Variants in SMYD3 observed in about 807,000 individuals in gnomAD.
The protein encoded by SMYD3 is histone-lysine N-methyltransferase SMYD3.
SMYD3 carries 36 observed loss-of-function variants against 57.7 expected under a neutral mutation model. The ratio of observed to expected loss-of-function variants is 0.62; its 90% CI spans 0.48 to 0.82. The LOEUF (loss-of-function observed/expected upper bound fraction) is 0.82. Among genes scored for constraint, SMYD3 ranks in the 40% least tolerant of loss-of-function variants. The probability of loss-of-function intolerance (pLI) is 0.00; values close to 1 mark genes in which losing one functional copy is unlikely to be tolerated. For missense variants in SMYD3, 515 were observed against 538.8 expected, an observed-to-expected ratio of 0.96 and a Z score of 0.44; for synonymous variants, 211 against 195.0, an observed-to-expected ratio of 1.08 and a Z score of -0.68.
chr1:246,207,060 A>G (rs1439995693), intron 5 of SMYD3, among the ~76,000 whole-genome samples: 1 of 152,178 alleles, frequency 6.6e-6, no homozygotes, highest in African/African-American at 2.4e-5. Flanking sequence ...TGCCAAACGT[A>G]TAAGGCAGGT....
In SMYD3 at chr1:246,355,030, C is replaced by A; in HGVS notation, c.228+1G>T. Reference sequence around the variant, plus strand: ...ACTTATATATGGCTGAAAAGTCTTACCTGACACTTAGCACTACAGTATTTG... The same window carrying A: ...ACTTATATATGGCTGAAAAGTCTTAACTGACACTTAGCACTACAGTATTTG... On this transcript the variant is annotated splice_donor_variant, in intron 2 of 11. Transcript: ENST00000490107. LOFTEE classifies it high-confidence loss of function. This position sits in a 1 kb window ranked among gnomAD's most constrained non-coding sequence, Gnocchi z 5.0. The A allele has an allele frequency of 6.2e-7, 1 of 1,613,906 alleles. No homozygotes were observed. The highest frequency in any genetic ancestry group is 8.5e-7 in the Non-Finnish European group (1 of 1,179,884).
intron 1 of SMYD3, among the ~76,000 whole-genome samples, chr1:246,443,309 CT>C (rs1320605797): frequency 1.3e-5 from 2 of 152,134 alleles, no homozygotes; most frequent in Non-Finnish European, 2.9e-5. Flanking sequence ...ACCAACTTAC[CT>C]AATGGAATTT....
At chr1:246,485,298 C>G (rs546684336) in intron 1 of SMYD3, among the ~76,000 whole-genome samples, 7 of 152,110 alleles carry the variant, frequency 4.6e-5, no homozygotes, top group Admixed American at 3.3e-4. Context: ...GAAAACATAT[C>G]ACTTCAACCA....
intron 8 of SMYD3, among the ~76,000 whole-genome samples, chr1:245,893,225 G>A (rs1245996046): frequency 1.3e-5 from 2 of 152,172 alleles, no homozygotes; most frequent in African/African-American, 4.8e-5. Context: ...TGCTGGTGAG[G>A]ATTTGGGGTA....
chr1:245,869,050 C>G (rs2052031149), intron 8 of SMYD3, among the ~76,000 whole-genome samples: 1 of 151,960 alleles, frequency 6.6e-6, no homozygotes, highest in African/African-American at 2.4e-5. Context: ...TATTTCATAT[C>G]CAAACACAAA....
chr1:246,054,920 A>C (rs1419676969), intron 5 of SMYD3, among the ~76,000 whole-genome samples: 2 of 150,782 alleles, frequency 1.3e-5, no homozygotes, highest in African/African-American at 4.9e-5. Context: ...TCACGCCTGT[A>C]ATCCCAGCAC....
intron 7 of SMYD3, among the ~76,000 whole-genome samples, chr1:245,917,794 G>A (rs565046345): frequency 6.6e-6 from 1 of 152,158 alleles, no homozygotes; most frequent in Admixed American, 6.5e-5. Context: ...TATGTGTGGT[G>A]GGGGGAGAAG....
intron 10 of SMYD3, among the ~76,000 whole-genome samples, chr1:245,851,154 C>G (rs188003707): frequency 6.6e-6 from 1 of 152,126 alleles, no homozygotes; most frequent in African/African-American, 2.4e-5. Flanking sequence ...CTGGCCAGGC[C>G]GGATTTGGTC....
intron 8 of SMYD3, among the ~76,000 whole-genome samples, chr1:245,908,516 A>T (rs1371061779): frequency 6.6e-6 from 1 of 152,210 alleles, no homozygotes; most frequent in African/African-American, 2.4e-5. Flanking sequence ...TACATCCAAC[A>T]CCTGTAGAAT....
At chr1:246,081,177 T>TA (rs1287295671) in intron 5 of SMYD3, among the ~76,000 whole-genome samples, 4 of 152,170 alleles carry the variant, frequency 2.6e-5, no homozygotes, top group Non-Finnish European at 4.4e-5. Flanking sequence ...AGAGTGTGGT[T>TA]ACCTTCAAAA....
At chr1:246,432,194 G>T (rs2067307532) in intron 1 of SMYD3, among the ~76,000 whole-genome samples, 1 of 152,160 alleles carries the variant, frequency 6.6e-6, no homozygotes, top group Admixed American at 6.5e-5. Context: ...AGAACTATCA[G>T]TTATGTGACA....
At chr1:245,930,213 T>C (rs2056633745) in intron 5 of SMYD3, 1 of 489,778 alleles carries the variant, frequency 2.0e-6, no homozygotes, top group Admixed American at 2.8e-5. Flanking sequence ...TTAATTTCAG[T>C]CTCATTATCC....
intron 5 of SMYD3, among the ~76,000 whole-genome samples, chr1:246,238,554 G>C (rs1385249257): frequency 1.3e-5 from 2 of 152,128 alleles, no homozygotes; most frequent in African/African-American, 4.8e-5. Flanking sequence ...TTGTGGAACA[G>C]CTCCACAGGG....
chr1:245,827,706 A>T (rs2049581905), intron 10 of SMYD3, among the ~76,000 whole-genome samples: 1 of 152,184 alleles, frequency 6.6e-6, no homozygotes, highest in Admixed American at 6.5e-5. Flanking sequence ...AGGGCACTTG[A>T]TGAATGCTTT....
intron 5 of SMYD3, among the ~76,000 whole-genome samples, chr1:246,045,825 G>C (rs903634609): frequency 5.3e-5 from 8 of 151,700 alleles, no homozygotes; most frequent in Non-Finnish European, 1.2e-4. Flanking sequence ...GATATGAACA[G>C]ACACTTCTCA....
intron 8 of SMYD3, among the ~76,000 whole-genome samples, chr1:245,869,315 GAAGAACCTGCTGGTT>G (rs2052044797): frequency 1.3e-5 from 2 of 152,212 alleles, no homozygotes; most frequent in African/African-American, 4.8e-5. Flanking sequence ...TCGAGAGAAT[GAAGAACCTGCTGGTT>G]CCAGCGCTGG....
At chr1:246,279,153 C>T (rs1021798417) in intron 5 of SMYD3, among the ~76,000 whole-genome samples, 3 of 152,172 alleles carry the variant, frequency 2.0e-5, no homozygotes, top group Non-Finnish European at 4.4e-5. Context: ...TGGAGACACA[C>T]ACCCCTTGGC....
chr1:246,136,977 T>C (rs1169771586), intron 5 of SMYD3, among the ~76,000 whole-genome samples: 1 of 152,198 alleles, frequency 6.6e-6, no homozygotes, highest in Non-Finnish European at 1.5e-5. Context: ...TGGAAGATCA[T>C]TCAGGGAACA....
At chr1:245,768,474 C>A (rs548778595) in intron 10 of SMYD3, among the ~76,000 whole-genome samples, 1 of 152,322 alleles carries the variant, frequency 6.6e-6, no homozygotes, top group African/African-American at 2.4e-5. Context: ...ATTGGTCCTA[C>A]GTGACACAAT....
Sources: allele counts gnomAD v4.1 joint callset (sites outside exome capture counted in the v4.1 genomes callset), GRCh38; gene constraint gnomAD v4.1.1; non-coding constraint Gnocchi (gnomAD v3.1); transcripts MANE v1.5; gene names NCBI Gene and HGNC (gene_info 2026-07-23, HGNC 2026-07-21).